The following TTYH3 variants were observed in gnomAD, a reference collection of about 807,000 sequenced individuals.
TTYH3 encodes the protein tweety family member 3, also known as protein tweety homolog 3.
TTYH3 carries 23 observed loss-of-function variants against 68.2 expected under a neutral mutation model. That is an observed-to-expected ratio of 0.34 (90% confidence interval 0.24 to 0.48). The LOEUF is 0.48. TTYH3 is among the 20% of genes least tolerant of loss of function. TTYH3 has a pLI of 0.99. For missense variants in TTYH3, 768 were observed against 727.7 expected (o/e 1.06, Z -0.64); for synonymous variants, 360 against 332.8 (o/e 1.08, Z -0.89).
chr7:2,647,131 G>A lies in TTYH3; in HGVS notation c.294-11G>A, dbSNP rs765303506. 1.9e-6 allele frequency: 3 copies of A among 1,591,780 alleles called. No individual in the cohort carries two copies. Among genetic ancestry groups the A allele is most frequent in the Non-Finnish European group, 2.6e-6 (3 of 1,171,846 alleles). On this transcript the variant is annotated splice_polypyrimidine_tract_variant and intron_variant, in intron 2 of 13. Coordinates refer to ENST00000258796, the MANE Select transcript of TTYH3 (RefSeq NM_025250.3). ...GGGCGGGGCTACATCTCACGGGCCC[G>A]CCCTCTCCAGCGCCGGCATCGCAGT...
Position 2,639,418 on chromosome 7 carries a change from G to C in TTYH3, c.123+7140G>C, listed in dbSNP as rs146750353. The stretch of plus-strand genomic sequence containing the variant: ...CGGTACCCACGATGCTCCCCACAAC[G>C]GGAGTTTCAGTGACCGCCTCATTCC... On this transcript the variant is annotated intron_variant, in intron 1 of 13. Transcript: ENST00000258796. 5.2e-3 allele frequency among the ~76,000 whole-genome samples: 796 copies of C among 152,322 alleles called. 3 individuals are homozygous for C. The highest frequency in any genetic ancestry group is 8.4e-3 in the Non-Finnish European group (571 of 68,016).
rs1786505553 is a variant in TTYH3, at chr7:2,661,792, G to A, written c.*53G>A. The A allele has an allele frequency of 3.2e-6, 5 of 1,557,922 alleles. No individual in the cohort carries two copies. The Admixed American group carries it at 7.3e-5, about 23-fold the overall frequency. ...GTGCCAACTTCCCCTCCCCGTGCCA[G>A]CACTGCCGCTTCCACCTGGGCCACC... On this transcript the variant is annotated 3_prime_UTR_variant, in exon 14 of 14. Coordinates refer to ENST00000258796, the MANE Select transcript of TTYH3 (RefSeq NM_025250.3).
intron 1 of TTYH3, among the ~76,000 whole-genome samples, chr7:2,635,242 G>T (rs1329815582): frequency 6.6e-6 from 1 of 152,194 alleles, no homozygotes; most frequent in Non-Finnish European, 1.5e-5. Context: ...TGTCAAGTGG[G>T]TCTGGCTGTC....
chr7:2,659,074 C>G (rs1786419617), intron 13 of TTYH3, 59 bp downstream of exon 13: 2 of 1,530,098 alleles, frequency 1.3e-6, no homozygotes, highest in Non-Finnish European at 1.8e-6. Flanking sequence ...GTCCGCTGTT[C>G]CACTGCGTCG....
At chr7:2,638,958 C>G (rs1402414334) in intron 1 of TTYH3, among the ~76,000 whole-genome samples, 2 of 152,238 alleles carry the variant, frequency 1.3e-5, no homozygotes, top group South Asian at 4.1e-4. Flanking sequence ...CGAGCCCACC[C>G]TGGCCTCCCC....
chr7:2,639,433 C>T (rs746837442), intron 1 of TTYH3, among the ~76,000 whole-genome samples: 5 of 152,220 alleles, frequency 3.3e-5, no homozygotes, highest in Non-Finnish European at 2.9e-5. Context: ...TTTCAGTGAC[C>T]GCCTCATTCC....
chr7:2,632,594 G>T (rs1785550904), intron 1 of TTYH3, among the ~76,000 whole-genome samples: 1 of 152,152 alleles, frequency 6.6e-6, no homozygotes, highest in Non-Finnish European at 1.5e-5. Flanking sequence ...GGGTTTCATG[G>T]AGCTGCCTCT....
intron 1 of TTYH3, among the ~76,000 whole-genome samples, chr7:2,635,887 G>T (rs1785643869): frequency 6.6e-6 from 1 of 152,224 alleles, no homozygotes; most frequent in Non-Finnish European, 1.5e-5. Flanking sequence ...TTCTGGGCTG[G>T]GGGAACGGCA....
Position 2,663,503 on chromosome 7 carries a change from A to G in TTYH3, c.*1764A>G, listed in dbSNP as rs1786545448. The G allele has an allele frequency of 6.6e-6, 1 of 152,496 alleles. No homozygotes were observed. The highest frequency in any genetic ancestry group is 2.4e-5 in the African/African-American group (1 of 41,456). 9.4% of individuals were successfully genotyped at this position (152,496 alleles called of 1,614,324 possible). ...CGTCTGAGCTCCCCAGGCATGACCA[A>G]ACCTCAGTGGAGGGGCCTCTGCTTC... On this transcript the variant is annotated 3_prime_UTR_variant, in exon 14 of 14. Transcript: ENST00000258796.
At chr7:2,660,979 G>A (rs1786479655) in intron 13 of TTYH3, among the ~76,000 whole-genome samples, 1 of 152,202 alleles carries the variant, frequency 6.6e-6, no homozygotes, top group Admixed American at 6.5e-5. Context: ...CGAGGTGCAG[G>A]CCAGCTGCAG....
At position 2,647,563 on chromosome 7, in the gene TTYH3, C is replaced by T; in HGVS notation, c.551C>T (p.Ala184Val). 1 of 1,563,924 alleles carries T rather than the reference C, an allele frequency of 6.4e-7. No homozygotes were observed. ...LLETLLGYTA[A>V]IPFWRNTAVS... ...GAGACGCTGCTGGGCTACACGGCCG[C>T]CATCCCCTTTTGGAGGAACACGGCG... The change falls in exon 4 of 14, where the codon GCC becomes GTC. Residue 184 changes from alanine to valine, a missense_variant. Transcript: ENST00000258796.
chr7:2,649,506 C>A, intron 5 of TTYH3, 61 bp from the exon 6 acceptor site: 1 of 1,503,390 alleles, frequency 6.7e-7, no homozygotes, highest in Non-Finnish European at 9.0e-7. Context: ...GCCTGCAGCC[C>A]AGCAGGTGGC....
rs932228132 is a variant in TTYH3, at chr7:2,647,310, C to T, written c.405+57C>T. The T allele has an allele frequency of 5.9e-6, 9 of 1,529,078 alleles. No homozygotes were observed. In the East Asian group the frequency reaches 2.2e-4, roughly 37 times the overall value. The allele number at this position is 1,529,078 out of a possible 1,614,324, so 94.7% of individuals were successfully genotyped here. On this transcript the variant is annotated intron_variant, in intron 3 of 13. Coordinates refer to ENST00000258796, the MANE Select transcript of TTYH3 (RefSeq NM_025250.3). ...CTCTTGCTGCTCCGGAGCCCCACGT[C>T]TGCGCGAGGACGGGCGGGGCAGCCG...
At chr7:2,660,067 G>T (rs1028972649) in intron 13 of TTYH3, 1 of 1,292,326 alleles carries the variant, frequency 7.7e-7, no homozygotes, top group Non-Finnish European at 1.0e-6. Context: ...CCCCCATCCC[G>T]CACGGCCACC....
Position 2,658,475 on chromosome 7 carries a change from C to A in TTYH3, c.1424+16C>A. 6.3e-7 allele frequency: 1 copy of A among 1,595,074 alleles called. No homozygotes were observed. The highest frequency in any genetic ancestry group is 8.6e-7 in the Non-Finnish European group (1 of 1,166,574). ...CTGAGTACATGTGAGTTGACGTGGG[C>A]CTAGTGGGGCCAGCGGACACGTCAG... On this transcript the variant is annotated intron_variant, in intron 12 of 13. Coordinates refer to ENST00000258796, the MANE Select transcript of TTYH3 (RefSeq NM_025250.3).
intron 13 of TTYH3, chr7:2,660,701 C>T (rs952105657): frequency 1.1e-4 from 36 of 341,638 alleles, no homozygotes; most frequent in African/African-American, 4.0e-4. Context: ...GGAGGGCCCT[C>T]GGGGACCCGG....
rs1340133415 is a variant in TTYH3, at chr7:2,647,180, C to G, written c.332C>G (p.Thr111Ser). 3 of 1,606,850 alleles carry G rather than the reference C, an allele frequency of 1.9e-6. No homozygotes were observed. The highest frequency in any genetic ancestry group is 2.5e-6 in the Non-Finnish European group (3 of 1,178,190). Residue 111 changes from threonine (T) to serine (S), a missense_variant, in exon 3 of 14, where the codon ACC (threonine) becomes AGC (serine). Coordinates refer to ENST00000258796, the MANE Select transcript of TTYH3 (RefSeq NM_025250.3). ...GTGGGATTCTACGGCAACGGGGAGA[C>G]CAGTGATGGCATCCATAGGGCCACC... ...IAVGFYGNGE[T>S]SDGIHRATYS...
Position 2,656,531 on chromosome 7 carries a change from A to AGAGGT in TTYH3, c.1250+2_1250+6dup. ...AGCGTCCCGCACACCTGGCAGCAAA[A>AGAGGT]GAGGTGAGGGGCCCTGGGGGGTCGC... On this transcript the variant is annotated frameshift_variant, in exon 11 of 14. Coordinates refer to ENST00000258796, the MANE Select transcript of TTYH3 (RefSeq NM_025250.3). LOFTEE classifies it high-confidence loss of function. 6.2e-7 allele frequency: 1 copy of AGAGGT among 1,601,968 alleles called. No homozygotes were observed. The highest frequency in any genetic ancestry group is 1.7e-5 in the Admixed American group (1 of 58,542).
rs1785952062 is a variant in TTYH3, at chr7:2,645,329, C to G, written c.124-1524C>G. Reference sequence around the variant, plus strand: ...CTGTAGCTTCTATGAAGCCCAGTTTCCCTGTGGATGAAATGGGGTGAGAGC... The same window carrying G: ...CTGTAGCTTCTATGAAGCCCAGTTTGCCTGTGGATGAAATGGGGTGAGAGC... On this transcript the variant is annotated intron_variant, in intron 1 of 13. Coordinates refer to ENST00000258796, the MANE Select transcript of TTYH3 (RefSeq NM_025250.3). This position sits in a 1 kb window ranked among gnomAD's most constrained non-coding sequence, Gnocchi z 4.8. Among the ~76,000 whole-genome samples, 2 of 152,216 alleles carry G rather than the reference C, an allele frequency of 1.3e-5. No homozygotes were observed. The highest frequency in any genetic ancestry group is 1.3e-4 in the Admixed American group (2 of 15,284).
Sources: gnomAD v4.1 joint callset for allele counts (sites outside exome capture counted in the v4.1 genomes callset) on GRCh38, gnomAD v4.1.1 for gene constraint, Gnocchi (gnomAD v3.1) non-coding constraint, MANE v1.5 for transcripts, NCBI Gene and HGNC (gene_info 2026-07-23, HGNC 2026-07-21) for gene names.